PTPRN2: variants seen among roughly 807,000 people sequenced by gnomAD.
PTPRN2 encodes protein tyrosine phosphatase receptor type N2.
Under a neutral mutation model 118.8 loss-of-function variants are expected in PTPRN2, and 74 were observed. The ratio of observed to expected loss-of-function variants is 0.62; its 90% CI spans 0.52 to 0.76. The LOEUF is 0.76. Among genes scored for constraint, PTPRN2 ranks in the 30% least tolerant of loss-of-function variants. The pLI is 0.00. For missense variants in PTPRN2, 1,481 were observed against 1,394.4 expected, an observed-to-expected ratio of 1.06 and a Z score of -0.99; for synonymous variants, 641 against 608.0, an observed-to-expected ratio of 1.05 and a Z score of -0.80.
chr7:158,450,592 G>A (rs1172798525), intron 2 of PTPRN2, among the ~76,000 whole-genome samples: 3 of 152,326 alleles, frequency 2.0e-5, no homozygotes, highest in Admixed American at 6.5e-5. Flanking sequence ...GCTCACGGCC[G>A]CGCCTGCCTC....
chr7:157,631,844 A>T (rs1477279353), intron 14 of PTPRN2, among the ~76,000 whole-genome samples: 3 of 152,112 alleles, frequency 2.0e-5, no homozygotes, highest in Admixed American at 2.0e-4. Flanking sequence ...AAAAAAAAAA[A>T]AAAAGAGAGA....
In PTPRN2 at chr7:157,622,119, C is replaced by G. The variant is rs1423102747; in HGVS notation, c.2197-610G>C. Reference sequence around the variant, plus strand: ...GAAAATTCCCTTCCACAAAAACCCCCATGCCGCCAGCACAGCCCACTCGGT... The same window carrying G: ...GAAAATTCCCTTCCACAAAAACCCCGATGCCGCCAGCACAGCCCACTCGGT... On this transcript the variant is annotated intron_variant, in intron 14 of 22. Transcript: ENST00000389418. This position sits in a 1 kb window ranked among gnomAD's most constrained non-coding sequence, Gnocchi z 5.3. Among the ~76,000 whole-genome samples, 2 of 152,116 alleles carry G rather than the reference C, an allele frequency of 1.3e-5. No homozygotes were observed. Among genetic ancestry groups the G allele is most frequent in the African/African-American group, 4.8e-5 (2 of 41,426 alleles).
chr7:158,327,222 TAAAC>T (rs1259093658), intron 2 of PTPRN2, among the ~76,000 whole-genome samples: 1 of 147,226 alleles, frequency 6.8e-6, no homozygotes, highest in Non-Finnish European at 1.5e-5. Context: ...AACACACACG[TAAAC>T]ATTCTCATAT....
chr7:157,740,777 C>T (rs1469511471), intron 12 of PTPRN2, among the ~76,000 whole-genome samples: 2 of 152,178 alleles, frequency 1.3e-5, no homozygotes, highest in African/African-American at 4.8e-5. Flanking sequence ...CTCGGAATCA[C>T]CTCAGTGCCC....
At chr7:158,177,575 C>A (rs1824331009) in intron 5 of PTPRN2, among the ~76,000 whole-genome samples, 1 of 152,198 alleles carries the variant, frequency 6.6e-6, no homozygotes, top group African/African-American at 2.4e-5. Flanking sequence ...GCAATCCCGA[C>A]CAGCTTTCTG....
At chr7:158,540,469 T>C (rs1825918452) in intron 1 of PTPRN2, among the ~76,000 whole-genome samples, 1 of 151,936 alleles carries the variant, frequency 6.6e-6, no homozygotes, top group South Asian at 2.1e-4. Flanking sequence ...GTGCTGGGTC[T>C]CGGGGGGCAA....
chr7:158,393,482 A>G (rs759412092), intron 2 of PTPRN2, among the ~76,000 whole-genome samples: 1 of 152,174 alleles, frequency 6.6e-6, no homozygotes, highest in Non-Finnish European at 1.5e-5. Context: ...AGAACAAAAA[A>G]GGACACTCTG....
At chr7:158,581,559 G>C (rs1007316849) in intron 1 of PTPRN2, among the ~76,000 whole-genome samples, 1 of 152,148 alleles carries the variant, frequency 6.6e-6, no homozygotes, top group Non-Finnish European at 1.5e-5. Flanking sequence ...TAAAAAGAAA[G>C]CTCCAGAATC....
At chr7:158,146,327 C>A (rs181063768) in intron 6 of PTPRN2, among the ~76,000 whole-genome samples, 43 of 152,290 alleles carry the variant, frequency 2.8e-4, no homozygotes, top group Non-Finnish European at 5.3e-4. Context: ...AAAGTCAAAG[C>A]CCAGTCTCCG....
rs559586701 is a variant in PTPRN2, at chr7:157,800,863, A to G, written c.1788+97810T>C. Among the ~76,000 whole-genome samples, 9 of 151,860 alleles carry G rather than the reference A, an allele frequency of 5.9e-5. No homozygotes were observed. In the East Asian group the frequency reaches 9.7e-4, roughly 16 times the overall value. ...GCTACTCAGGAGGCTGAGGCAGGAGAATGGCGTGAACCCGGGAGGCGGAGC... is the reference window on the plus strand; with the variant it reads ...GCTACTCAGGAGGCTGAGGCAGGAGGATGGCGTGAACCCGGGAGGCGGAGC... On this transcript the variant is annotated intron_variant, in intron 12 of 22. Transcript: ENST00000389418.
At chr7:158,172,092 C>G (rs538656700) in intron 5 of PTPRN2, among the ~76,000 whole-genome samples, 1 of 152,164 alleles carries the variant, frequency 6.6e-6, no homozygotes, top group Non-Finnish European at 1.5e-5. Context: ...CTTCAACCCA[C>G]TGCATTTCCA....
At chr7:157,872,007 C>T (rs1261059481) in intron 12 of PTPRN2, among the ~76,000 whole-genome samples, 7 of 148,384 alleles carry the variant, frequency 4.7e-5, no homozygotes, top group Admixed American at 1.3e-4. Context: ...CACACACATA[C>T]CCAGTGTCCT....
At chr7:158,390,035 G>A (rs543052757) in intron 2 of PTPRN2, among the ~76,000 whole-genome samples, 1 of 152,336 alleles carries the variant, frequency 6.6e-6, no homozygotes, top group East Asian at 1.9e-4. Context: ...ATCCTACGGA[G>A]GGATGAAGCC....
chr7:157,942,419 T>A (rs1800203509), intron 11 of PTPRN2, among the ~76,000 whole-genome samples: 1 of 151,946 alleles, frequency 6.6e-6, no homozygotes, highest in Non-Finnish European at 1.5e-5. Flanking sequence ...GTGTGGGGAG[T>A]CAGGCAGCCT....
chr7:158,341,355 G>A (rs1316718379), intron 2 of PTPRN2, among the ~76,000 whole-genome samples: 1 of 126,360 alleles, frequency 7.9e-6, no homozygotes, highest in Non-Finnish European at 1.6e-5. Flanking sequence ...ACCATAAGAG[G>A]TAACACATGC....
chr7:158,388,558 G>C (rs1244423999), intron 2 of PTPRN2, among the ~76,000 whole-genome samples: 1 of 152,206 alleles, frequency 6.6e-6, no homozygotes, highest in Non-Finnish European at 1.5e-5. Flanking sequence ...TGCCCTGGGT[G>C]CACCAGGCTC....
intron 3 of PTPRN2, among the ~76,000 whole-genome samples, chr7:158,312,781 GCA>G (rs1295596870): frequency 9.7e-5 from 14 of 143,862 alleles, no homozygotes; most frequent in African/African-American, 2.5e-4. Flanking sequence ...ACCCACACAC[GCA>G]CACACACCTG....
intron 6 of PTPRN2, among the ~76,000 whole-genome samples, chr7:158,154,301 A>G (rs1821496641): frequency 6.6e-6 from 1 of 152,210 alleles, no homozygotes; most frequent in Non-Finnish European, 1.5e-5. Flanking sequence ...TTCCAGCCTC[A>G]TGAGCCCTCT....
intron 12 of PTPRN2, among the ~76,000 whole-genome samples, chr7:157,772,372 G>T (rs1802930862): frequency 1.3e-5 from 2 of 150,822 alleles, no homozygotes; most frequent in South Asian, 2.1e-4. Context: ...CACAGACACA[G>T]ACACACACAG....
Sources: gnomAD v4.1 joint callset for allele counts (sites outside exome capture counted in the v4.1 genomes callset) on GRCh38, gnomAD v4.1.1 for gene constraint, Gnocchi (gnomAD v3.1) non-coding constraint, MANE v1.5 for transcripts, NCBI Gene and HGNC (gene_info 2026-07-23, HGNC 2026-07-21) for gene names.